Variants in DNAI1 observed in about 807,000 individuals in gnomAD.
The protein encoded by DNAI1 is dynein axonemal intermediate chain 1.
DNAI1 carries 67 observed loss-of-function variants against 92.0 expected under a neutral mutation model. That is an observed-to-expected ratio of 0.73 (90% CI 0.60 to 0.89). The LOEUF (loss-of-function observed/expected upper bound fraction) is 0.89. Among genes scored for constraint, DNAI1 ranks in the 40% least tolerant of loss-of-function variants. The probability of loss-of-function intolerance (pLI) is 0.00; values close to 1 mark genes in which losing one functional copy is unlikely to be tolerated. For synonymous variants in DNAI1, 323 were observed against 319.6 expected, an observed-to-expected ratio of 1.01 and a Z score of -0.11; for missense variants, 839 against 866.6, an observed-to-expected ratio of 0.97 and a Z score of 0.40.
chr9:34,471,044 AT>A (rs533250213), intron 1 of DNAI1, among the ~76,000 whole-genome samples: 78 of 152,314 alleles, frequency 5.1e-4, no homozygotes, highest in African/African-American at 1.6e-3. Flanking sequence ...ATTAGAAAAT[AT>A]TTTTAATTGT....
Position 34,490,466 on chromosome 9 carries a change from A to G in DNAI1, c.599A>G (p.Gln200Arg). 6.2e-7 allele frequency: 1 copy of G among 1,614,234 alleles called. No individual in the cohort carries two copies. The highest frequency in any genetic ancestry group is 8.5e-7 in the Non-Finnish European group (1 of 1,180,040). Residue 200 changes from glutamine (Q) to arginine (R), a missense_variant, in exon 7 of 20, where the codon CAG becomes CGG. Coordinates refer to ENST00000242317, the MANE Select transcript of DNAI1 (RefSeq NM_012144.4). ...NQFNFSERAS[Q>R]TYNNPVRDRE... ...TTCAACTTCAGTGAGAGGGCCTCAC[A>G]GACCTACAACAACCCTGTCCGGGTA...
Position 34,485,144 on chromosome 9 carries a change from TGAA to T in DNAI1, c.87_89del (p.Glu29del). 7.4e-6 allele frequency: 12 copies of T among 1,614,116 alleles called. No homozygotes were observed. The highest frequency in any genetic ancestry group is 1.0e-5 in the Non-Finnish European group (12 of 1,180,030). ...CCTCATGTGAGGTTTTTGTCTAGGA[TGAA>T]GATTCAGGGACTGAAGTGGGAGAAG... On this transcript the variant is annotated inframe_deletion, in exon 3 of 20. Transcript: ENST00000242317.
intron 1 of DNAI1, among the ~76,000 whole-genome samples, chr9:34,461,164 A>G (rs1823945552): frequency 6.6e-6 from 1 of 151,788 alleles, no homozygotes; most frequent in Admixed American, 6.6e-5. Flanking sequence ...TTTAGTAGAG[A>G]CGGGGTTTCA....
At chr9:34,496,188 TG>T (rs60676589) in intron 9 of DNAI1, among the ~76,000 whole-genome samples, 24,596 of 152,146 alleles carry the variant, frequency 0.16, 2,465 homozygotes, top group East Asian at 0.36. Context: ...TGCCAGAGGT[TG>T]CCACCGGGTT....
chr9:34,490,925 A>G (rs1824578711), intron 7 of DNAI1, among the ~76,000 whole-genome samples: 1 of 152,216 alleles, frequency 6.6e-6, no homozygotes, highest in African/African-American at 2.4e-5. Context: ...GGAGCCTCTC[A>G]GCGTTTCAGG....
At chr9:34,514,826 A>T (rs1282863355) in intron 18 of DNAI1, 87 bp downstream of exon 18, 4 of 1,414,382 alleles carry the variant, frequency 2.8e-6, no homozygotes, top group Non-Finnish European at 4.0e-6. Flanking sequence ...AACCCATCCC[A>T]TGCCTAGGTC....
chr9:34,511,881 C>A (rs376617657), intron 13 of DNAI1, among the ~76,000 whole-genome samples: 12 of 152,214 alleles, frequency 7.9e-5, no homozygotes, highest in African/African-American at 2.9e-4. Context: ...TTGACTGGCA[C>A]TATTGCTCCA....
chr9:34,473,226 A>G (rs968188373), intron 1 of DNAI1, among the ~76,000 whole-genome samples: 1 of 151,346 alleles, frequency 6.6e-6, no homozygotes, highest in African/African-American at 2.4e-5. Context: ...TTTATCATGT[A>G]AAACATATTT....
rs376252276 is a variant in DNAI1, at chr9:34,513,112, G to C, written c.1490G>C (p.Gly497Ala). The part of the protein sequence containing the change: ...VPEGLQLHPV[G>A]CGTAFDFHKE... The stretch of plus-strand genomic sequence containing the variant: ...GCCTGCCCCTCCCTCTTTTCCCAAG[G>C]TTGTGGCACTGCCTTTGACTTCCAC... Residue 497 changes from glycine (G) to alanine (A), a missense_variant and splice_region_variant, in exon 16 of 20, where the codon GGT (glycine) becomes GCT (alanine). Physicochemically the swap from Gly to Ala is moderately conservative, Grantham distance 60. Coordinates refer to ENST00000242317, the MANE Select transcript of DNAI1 (RefSeq NM_012144.4). The C allele has an allele frequency of 1.2e-6, 2 of 1,613,952 alleles. No homozygotes were observed. The highest frequency in any genetic ancestry group is 1.7e-4 in the Middle Eastern group (1 of 6,052).
chr9:34,506,550 T>G, intron 12 of DNAI1, 77 bp from the exon 13 acceptor site: 4 of 1,602,730 alleles, frequency 2.5e-6, no homozygotes, highest in South Asian at 1.1e-5. Flanking sequence ...GCCCACCTAG[T>G]GGGGTAGGGG....
Position 34,493,283 on chromosome 9 carries a change from A to G in DNAI1, c.771A>G (p.Lys257=), listed in dbSNP as rs761802925. ...AGGCAAAGACCCCAGTGGCTAAAAA[A>G]TCAGGGAAGATGGCCATGAGGAAGC... The part of the protein sequence containing the change: ...KEKAKTPVAK[K]SGKMAMRKLT... Residue 257 remains lysine (K), a synonymous_variant, in exon 9 of 20, where the codon AAA becomes AAG. Coordinates refer to ENST00000242317, the MANE Select transcript of DNAI1 (RefSeq NM_012144.4). The G allele has an allele frequency of 1.9e-6, 3 of 1,614,188 alleles. No individual in the cohort carries two copies. In the South Asian group the frequency reaches 3.3e-5, roughly 18 times the overall value.
At chr9:34,472,131 T>C (rs1824148386) in intron 1 of DNAI1, among the ~76,000 whole-genome samples, 1 of 152,212 alleles carries the variant, frequency 6.6e-6, no homozygotes, top group African/African-American at 2.4e-5. Context: ...ATAAAAATAA[T>C]GACAGCCAAA....
intron 1 of DNAI1, among the ~76,000 whole-genome samples, chr9:34,480,592 G>C (rs1824333030): frequency 6.6e-6 from 1 of 152,010 alleles, no homozygotes; most frequent in Non-Finnish European, 1.5e-5. Flanking sequence ...GTTTTCTTCT[G>C]AAAAACATTT....
rs752327487 is a variant in DNAI1 at position 34,500,684 on chromosome 9, G to A, written c.902-38G>A. On this transcript the variant is annotated intron_variant, in intron 10 of 19. Coordinates refer to ENST00000242317, the MANE Select transcript of DNAI1 (RefSeq NM_012144.4). Reference sequence around the variant, plus strand: ...GGTGGACCTGGGTTTGCCATAAAGCGGCAGTCCCAGGGCTGACTCTGCCTG... The same window carrying A: ...GGTGGACCTGGGTTTGCCATAAAGCAGCAGTCCCAGGGCTGACTCTGCCTG... 13 of 1,500,392 alleles carry A rather than the reference G, an allele frequency of 8.7e-6. No individual in the cohort carries two copies. The East Asian group carries it at 9.1e-5, about 10-fold the overall frequency. 92.9% of individuals were successfully genotyped at this position (1,500,392 alleles called of 1,614,324 possible).
intron 11 of DNAI1, 133 bp downstream of exon 11, chr9:34,500,972 C>A: frequency 1.0e-6 from 1 of 989,508 alleles, no homozygotes; most frequent in Non-Finnish European, 1.6e-6. Flanking sequence ...AACTTGGATT[C>A]TTATGGGATC....
intron 7 of DNAI1, 76 bp downstream of exon 7, chr9:34,490,564 C>T: frequency 6.3e-7 from 1 of 1,597,490 alleles, no homozygotes; most frequent in Non-Finnish European, 8.6e-7. Context: ...CTGACCCTGG[C>T]CCTAGCAGAC....
At chr9:34,483,057 A>G (rs1311835647) in intron 1 of DNAI1, among the ~76,000 whole-genome samples, 1 of 152,138 alleles carries the variant, frequency 6.6e-6, no homozygotes, top group East Asian at 1.9e-4. Context: ...GGCTGCTCCG[A>G]GTGCGGGGCC....
chr9:34,479,604 A>G (rs1025984117), intron 1 of DNAI1, among the ~76,000 whole-genome samples: 4 of 152,122 alleles, frequency 2.6e-5, no homozygotes, highest in African/African-American at 7.2e-5. Context: ...CTCGTTTTCT[A>G]TTTAAGGCTT....
chr9:34,512,102 G>A lies in DNAI1; in HGVS notation c.1312-7G>A. The A allele has an allele frequency of 1.2e-6, 2 of 1,614,016 alleles. No homozygotes were observed. The highest frequency in any genetic ancestry group is 1.7e-6 in the Non-Finnish European group (2 of 1,179,890). ...GGTCCCAGAGCTCACATTTTGGGATGTTTCAGGTCAAGTGGCAGAAGGATG... is the reference window on the plus strand; with the variant it reads ...GGTCCCAGAGCTCACATTTTGGGATATTTCAGGTCAAGTGGCAGAAGGATG... On this transcript the variant is annotated splice_region_variant and splice_polypyrimidine_tract_variant and intron_variant, in intron 13 of 19. Coordinates refer to ENST00000242317, the MANE Select transcript of DNAI1 (RefSeq NM_012144.4).
Sources: allele counts gnomAD v4.1 joint callset (sites outside exome capture counted in the v4.1 genomes callset), GRCh38; gene constraint gnomAD v4.1.1; transcripts MANE v1.5; gene names NCBI Gene and HGNC (gene_info 2026-07-23, HGNC 2026-07-21).